HECW2: variants seen among roughly 807,000 people sequenced by gnomAD.
The protein encoded by HECW2 is HECT, C2 and WW domain containing E3 ubiquitin protein ligase 2, also known as E3 ubiquitin-protein ligase HECW2.
HECW2 carries 61 observed loss-of-function variants against 175.2 expected under a neutral mutation model. The ratio of observed to expected loss-of-function variants is 0.35; its 90% confidence interval spans 0.28 to 0.43. The LOEUF (loss-of-function observed/expected upper bound fraction) is 0.43. HECW2 is among the 20% of genes least tolerant of loss of function. The pLI is 1.00. For missense variants in HECW2, 1,524 were observed against 2,000.5 expected (o/e 0.76, Z 4.54); for synonymous variants, 671 against 731.0 (o/e 0.92, Z 1.32).
intron 2 of HECW2, among the ~76,000 whole-genome samples, chr2:196,425,643 G>A (rs947861244): frequency 1.3e-5 from 2 of 152,108 alleles, no homozygotes; most frequent in African/African-American, 4.8e-5. Flanking sequence ...TAGAAGTGGT[G>A]CCTGAAGATG....
intron 19 of HECW2, among the ~76,000 whole-genome samples, chr2:196,250,886 T>C (rs1688828134): frequency 6.6e-6 from 1 of 152,208 alleles, no homozygotes; most frequent in African/African-American, 2.4e-5. Context: ...GAAAAGAGCA[T>C]TTGACTTCTG....
intron 2 of HECW2, among the ~76,000 whole-genome samples, chr2:196,379,602 A>G (rs530181565): frequency 1.3e-5 from 2 of 150,838 alleles, no homozygotes; most frequent in African/African-American, 4.9e-5. Context: ...GGAGGATGGC[A>G]TGAACCCGGG....
chr2:196,290,703 T>A (rs553734965), intron 14 of HECW2: 1 of 152,312 alleles, frequency 6.6e-6, no homozygotes, highest in South Asian at 2.1e-4. Context: ...TCTGTGCCCT[T>A]CCATCCAATG....
chr2:196,221,179 T>C (rs1010194181), intron 24 of HECW2, among the ~76,000 whole-genome samples: 2 of 152,210 alleles, frequency 1.3e-5, no homozygotes, highest in Admixed American at 1.3e-4. Context: ...TTGCTGTTAC[T>C]ACAGGTTAAG....
At chr2:196,354,056 T>C (rs893099661) in intron 2 of HECW2, among the ~76,000 whole-genome samples, 1 of 152,216 alleles carries the variant, frequency 6.6e-6, no homozygotes, top group Admixed American at 6.5e-5. Context: ...CTGTTAATAC[T>C]GTGGCCCTTT....
At chr2:196,527,180 G>A (rs146535854) in intron 1 of HECW2, among the ~76,000 whole-genome samples, 1,868 of 152,348 alleles carry the variant, frequency 0.012, 29 homozygotes, top group East Asian at 0.094. Context: ...TAATCTCGTG[G>A]TGCGCCGTTT....
intron 28 of HECW2, among the ~76,000 whole-genome samples, chr2:196,203,387 T>C (rs1220824094): frequency 6.6e-6 from 1 of 152,206 alleles, no homozygotes; most frequent in Admixed American, 6.5e-5. Flanking sequence ...GTTTATAATC[T>C]ATCATCTGTG....
In HECW2 at chr2:196,220,776, T is replaced by C. The variant is rs763583382; in HGVS notation, c.4293+19A>G. On this transcript the variant is annotated intron_variant, in intron 25 of 28. Transcript: ENST00000644978. Reference sequence around the variant, plus strand: ...TTGATATCAGACTGCAAACTCCTCCTACTGCTGATTGTCTTTACCTCATAG... The same window carrying C: ...TTGATATCAGACTGCAAACTCCTCCCACTGCTGATTGTCTTTACCTCATAG... The C allele has an allele frequency of 1.2e-6, 2 of 1,613,740 alleles. No homozygotes were observed. Among genetic ancestry groups the C allele is most frequent in the Middle Eastern group, 1.6e-4 (1 of 6,062 alleles).
In HECW2 at chr2:196,433,251, C is replaced by T. The variant is rs771657143; in HGVS notation, c.173G>A (p.Arg58His). 3 of 1,614,140 alleles carry T rather than the reference C, an allele frequency of 1.9e-6. No homozygotes were observed. The highest frequency in any genetic ancestry group is 2.5e-6 in the Non-Finnish European group (3 of 1,180,010). Residue 58 changes from arginine (R) to histidine (H), a missense_variant, in exon 2 of 29, where the codon CGC becomes CAC. Arg to His is a conservative substitution (Grantham distance 29). Around this residue, in one of 11 missense-constraint regions of HECW2, gnomAD observed 135 missense variants for 214.6 expected, o/e 0.63. Transcript: ENST00000644978. ...GTACATGCTGGCAGTTAAGCTGGAG[C>T]GGCTCTCAGAAGTCACCAGGTCGGT... ...SDTDLVTSES[R>H]SSLTASMYEY...
intron 1 of HECW2, among the ~76,000 whole-genome samples, chr2:196,521,359 A>C (rs1688374778): frequency 6.6e-6 from 1 of 151,732 alleles, no homozygotes; most frequent in Non-Finnish European, 1.5e-5. Flanking sequence ...TTTTATACAG[A>C]AAATTTCTAA....
intron 1 of HECW2, among the ~76,000 whole-genome samples, chr2:196,434,002 T>C (rs551893794): frequency 3.2e-4 from 48 of 152,300 alleles, no homozygotes; most frequent in African/African-American, 1.1e-3. Context: ...GGCCATCACA[T>C]TTAAAACTGC....
chr2:196,361,686 CTGGGAGGGGACCACTTT>C (rs1191978206), intron 2 of HECW2: 3 of 471,114 alleles, frequency 6.4e-6, no homozygotes, highest in African/African-American at 6.4e-5. Flanking sequence ...CCTCAGCCAG[CTGGGAGGGGACCACTTT>C]TAAGAGCTTT....
chr2:196,528,917 A>C (rs1688755838), intron 1 of HECW2, among the ~76,000 whole-genome samples: 1 of 152,222 alleles, frequency 6.6e-6, no homozygotes, highest in South Asian at 2.1e-4. Flanking sequence ...ATGCTCCAAA[A>C]ACCGTTAAAT....
intron 15 of HECW2, among the ~76,000 whole-genome samples, chr2:196,276,246 C>G (rs1689951267): frequency 6.6e-6 from 1 of 152,112 alleles, no homozygotes; most frequent in Non-Finnish European, 1.5e-5. Flanking sequence ...AAGGACACTC[C>G]CCCGGAAGGT....
chr2:196,420,332 G>A (rs1394901975), intron 2 of HECW2, among the ~76,000 whole-genome samples: 9 of 152,142 alleles, frequency 5.9e-5, no homozygotes, highest in Non-Finnish European at 5.9e-5. Context: ...CCAGATTGTG[G>A]GAAACAATTG....
intron 2 of HECW2, among the ~76,000 whole-genome samples, chr2:196,423,080 C>T (rs527921529): frequency 6.6e-6 from 1 of 152,070 alleles, no homozygotes; most frequent in African/African-American, 2.4e-5. Context: ...CCCATTGTGT[C>T]ACTTTAAACT....
intron 2 of HECW2, among the ~76,000 whole-genome samples, chr2:196,415,581 T>C (rs12466332): frequency 0.95 from 144,092 of 152,106 alleles, 68,361 homozygotes; most frequent in East Asian, 1. Flanking sequence ...CTGCTACCAA[T>C]GTGCACGCGC....
chr2:196,581,440 A>G (rs1336845407), intron 1 of HECW2, among the ~76,000 whole-genome samples: 1 of 152,144 alleles, frequency 6.6e-6, no homozygotes, highest in Non-Finnish European at 1.5e-5. Flanking sequence ...AGGCTGAGGC[A>G]TGAGAATCAC....
intron 1 of HECW2, among the ~76,000 whole-genome samples, chr2:196,496,267 C>A (rs1021659529): frequency 1.3e-5 from 2 of 151,808 alleles, no homozygotes; most frequent in African/African-American, 4.8e-5. Flanking sequence ...TGGGCCATGG[C>A]GGCCTCAGAG....
Sources: gnomAD v4.1 joint callset for allele counts (sites outside exome capture counted in the v4.1 genomes callset) on GRCh38, gnomAD v4.1.1 for gene constraint, gnomAD v4.1.1 regional missense constraint, MANE v1.5 for transcripts, NCBI Gene and HGNC (gene_info 2026-07-23, HGNC 2026-07-21) for gene names.